The following LAPTM4B variants were observed in gnomAD, a reference collection of about 807,000 sequenced individuals.
LAPTM4B encodes the protein lysosomal protein transmembrane 4 beta.
In LAPTM4B, 26 loss-of-function variants were observed where a neutral mutation model predicts 28.5. The ratio of observed to expected loss-of-function variants is 0.91; its 90% CI spans 0.67 to 1.27. The LOEUF is 1.27. Ranked by LOEUF, LAPTM4B falls within the 50% of genes most tolerant of loss-of-function variation. LAPTM4B has a pLI of 0.00. For missense variants in LAPTM4B, 288 were observed against 285.8 expected (o/e 1.01, Z -0.06); for synonymous variants, 109 against 106.4 (o/e 1.02, Z -0.15).
rs145929583 is a variant in LAPTM4B at position 97,776,870 on chromosome 8, G to A, written c.99+762G>A. Among the ~76,000 whole-genome samples, 300 of 152,090 alleles carry A rather than the reference G, an allele frequency of 2.0e-3. 10 individuals are homozygous for A. The East Asian group carries it at 0.028, about 14-fold the overall frequency. On this transcript the variant is annotated intron_variant, in intron 1 of 6. Transcript: ENST00000521545. ...AATCTGGCATTTTTTTTCCTGGTTGGAACTTTTGAAGTCTTTTTTTGTATG... is the reference window on the plus strand; with the variant it reads ...AATCTGGCATTTTTTTTCCTGGTTGAAACTTTTGAAGTCTTTTTTTGTATG...
chr8:97,806,887 G>A (rs1220745516), intron 2 of LAPTM4B, among the ~76,000 whole-genome samples: 1 of 152,130 alleles, frequency 6.6e-6, no homozygotes, highest in Non-Finnish European at 1.5e-5. Context: ...AACCCCAGGT[G>A]GCGGAGGTTG....
chr8:97,801,725 C>T (rs988938952), intron 1 of LAPTM4B, among the ~76,000 whole-genome samples: 5 of 151,722 alleles, frequency 3.3e-5, no homozygotes, highest in African/African-American at 9.7e-5. Context: ...TGTCTGTAAT[C>T]GCAGCTACAG....
chr8:97,815,373 G>T lies in LAPTM4B; in HGVS notation c.257G>T (p.Cys86Phe). 1 of 1,613,938 alleles carries T rather than the reference G, an allele frequency of 6.2e-7. No individual in the cohort carries two copies. The highest frequency in any genetic ancestry group is 1.1e-5 in the South Asian group (1 of 91,080). ...ATTTCTCTTCTCATGATCCTGATATGTGCTATGGCTACTTACGGAGCGTAC... is the reference window on the plus strand; with the variant it reads ...ATTTCTCTTCTCATGATCCTGATATTTGCTATGGCTACTTACGGAGCGTAC... ...IAISLLMILICAMATYGAYKQ... is the reference protein window; with the variant it reads ...IAISLLMILIFAMATYGAYKQ... The change falls in exon 3 of 7, where the codon TGT (cysteine) becomes TTT (phenylalanine). Residue 86 changes from cysteine (C) to phenylalanine (F), a missense_variant. Cys to Phe is a radical substitution (Grantham distance 205). Transcript: ENST00000521545.
At chr8:97,843,428 A>T (rs1013522357) in intron 6 of LAPTM4B, among the ~76,000 whole-genome samples, 6 of 152,176 alleles carry the variant, frequency 3.9e-5, no homozygotes, top group African/African-American at 1.2e-4. Flanking sequence ...AAAACAAAAC[A>T]ACACAACAAC....
At chr8:97,832,676 T>TTTTTA (rs201546146) in intron 6 of LAPTM4B, among the ~76,000 whole-genome samples, 328 of 113,110 alleles carry the variant, frequency 2.9e-3, no homozygotes, top group East Asian at 6.5e-3. Flanking sequence ...TATTTATTTA[T>TTTTTA]TTTTATTTTA....
intron 1 of LAPTM4B, among the ~76,000 whole-genome samples, chr8:97,793,399 G>A: frequency 6.6e-6 from 1 of 151,726 alleles, no homozygotes; most frequent in East Asian, 1.9e-4. Flanking sequence ...ATTTAATTTT[G>A]TATAAACACC....
chr8:97,814,232 A>T (rs1322688920), intron 2 of LAPTM4B, among the ~76,000 whole-genome samples: 1 of 152,168 alleles, frequency 6.6e-6, no homozygotes, highest in East Asian at 1.9e-4. Context: ...GTTGAAGGCC[A>T]GGCATGGTGG....
chr8:97,777,137 GTTTTTT>G lies in LAPTM4B; in HGVS notation c.99+1051_99+1056del, dbSNP rs1176218610. 1.6e-3 allele frequency among the ~76,000 whole-genome samples: 130 copies of G among 83,848 alleles called. 1 individual carries two copies. The East Asian group carries it at 0.026, about 17-fold the overall frequency. 55.0% of individuals were successfully genotyped at this position (83,848 alleles called of 152,430 possible). A position where few individuals can be genotyped will look rare whatever the true frequency, so the allele number is the denominator to read the frequency against. ...AGCATATATAACTTTTTTCAGTGAG[GTTTTTT>G]TTTTTTTTTTTTTTTTTTTTTGAGA... is the stretch of plus-strand genomic sequence containing the variant. On this transcript the variant is annotated intron_variant, in intron 1 of 6. Transcript: ENST00000521545.
Position 97,775,826 on chromosome 8 carries a change from T to C in LAPTM4B, c.-184T>C. 1.3e-5 allele frequency: 20 copies of C among 1,555,504 alleles called. No homozygotes were observed. The highest frequency in any genetic ancestry group is 1.7e-5 in the Non-Finnish European group (20 of 1,157,202). On this transcript the variant is annotated 5_prime_UTR_variant, in exon 1 of 7. Coordinates refer to ENST00000521545, the MANE Select transcript of LAPTM4B (RefSeq NM_018407.6). Reference sequence around the variant, plus strand: ...CAGCGGTCGCCTTCGGAGCGAAGGGTACCGACCCGGCAGAAGCTCGGAGCT... The same window carrying C: ...CAGCGGTCGCCTTCGGAGCGAAGGGCACCGACCCGGCAGAAGCTCGGAGCT...
rs1162633201 is a variant in LAPTM4B at position 97,852,239 on chromosome 8, T to C, written c.*765T>C. On this transcript the variant is annotated 3_prime_UTR_variant, in exon 7 of 7. Transcript: ENST00000521545. The stretch of plus-strand genomic sequence containing the variant: ...TTCACATCCCCACCCAGGGCCCGCT[T>C]TTACTAAGTGTTCTGCCCTAGATTG... The C allele has an allele frequency of 6.6e-6, 1 of 152,408 alleles. No homozygotes were observed. The highest frequency in any genetic ancestry group is 2.4e-5 in the African/African-American group (1 of 41,446). The allele number at this position is 152,408 out of a possible 1,614,324, so 9.4% of individuals were successfully genotyped here.
chr8:97,821,534 C>T (rs2513953), intron 5 of LAPTM4B, among the ~76,000 whole-genome samples: 55,137 of 145,502 alleles, frequency 0.38, 12,115 homozygotes, highest in Middle Eastern at 0.5. Context: ...GTAGTGAGGA[C>T]GTGTGGATGT....
intron 5 of LAPTM4B, among the ~76,000 whole-genome samples, chr8:97,820,102 C>G (rs112678389): frequency 6.6e-6 from 1 of 152,026 alleles, no homozygotes; most frequent in African/African-American, 2.4e-5. Flanking sequence ...AAATTGATGT[C>G]CCCCAAAGTT....
intron 1 of LAPTM4B, among the ~76,000 whole-genome samples, chr8:97,789,451 C>T (rs2129737307): frequency 6.6e-6 from 1 of 152,150 alleles, no homozygotes; most frequent in African/African-American, 2.4e-5. Context: ...GCCTTGACAT[C>T]CTAGGCTCAA....
In LAPTM4B at chr8:97,851,715, C is replaced by T. The variant is rs2129868621; in HGVS notation, c.*241C>T. On this transcript the variant is annotated 3_prime_UTR_variant, in exon 7 of 7. Coordinates refer to ENST00000521545, the MANE Select transcript of LAPTM4B (RefSeq NM_018407.6). ...TTGGGGATATAATGGGCTTCACTAA[C>T]CTTCCCTAGGCATTGAAACTTCCCC... The T allele has an allele frequency of 1.9e-6, 1 of 536,790 alleles. No homozygotes were observed. Among genetic ancestry groups the T allele is most frequent in the Non-Finnish European group, 3.3e-6 (1 of 302,298 alleles). 33.3% of individuals were successfully genotyped at this position (536,790 alleles called of 1,614,324 possible).
At chr8:97,823,897 C>G (rs1299266960) in intron 5 of LAPTM4B, among the ~76,000 whole-genome samples, 3 of 151,260 alleles carry the variant, frequency 2.0e-5, no homozygotes, top group Admixed American at 2.0e-4. Flanking sequence ...TGGAGTTTCA[C>G]TGTGTTGCCC....
At chr8:97,776,383 TCCAGCCTCCGC>T (rs925281256) in intron 1 of LAPTM4B, among the ~76,000 whole-genome samples, 2 of 152,152 alleles carry the variant, frequency 1.3e-5, no homozygotes, top group African/African-American at 4.8e-5. Context: ...GTCGCCGATC[TCCAGCCTCCGC>T]GCAGCCCCGC....
chr8:97,776,689 G>GT (rs1554588308), intron 1 of LAPTM4B, among the ~76,000 whole-genome samples: 1 of 135,138 alleles, frequency 7.4e-6, no homozygotes, highest in African/African-American at 3.2e-5. Flanking sequence ...TTGTGAATGG[G>GT]TCCCCCCCCC....
chr8:97,849,672 G>C (rs1217750720), intron 6 of LAPTM4B, among the ~76,000 whole-genome samples: 1 of 152,194 alleles, frequency 6.6e-6, no homozygotes, highest in Non-Finnish European at 1.5e-5. Flanking sequence ...TCGGCTTCTT[G>C]CATCACAGCT....
At chr8:97,804,599 G>A (rs1319091462) in intron 1 of LAPTM4B, among the ~76,000 whole-genome samples, 2 of 152,152 alleles carry the variant, frequency 1.3e-5, no homozygotes, top group South Asian at 4.1e-4. Flanking sequence ...GTTATTGCAG[G>A]GCTTAAGAGA....
Sources: allele counts gnomAD v4.1 joint callset (sites outside exome capture counted in the v4.1 genomes callset), GRCh38; gene constraint gnomAD v4.1.1; transcripts MANE v1.5; gene names NCBI Gene and HGNC (gene_info 2026-07-23, HGNC 2026-07-21).